CCDC62: variants seen among roughly 807,000 people sequenced by gnomAD.
CCDC62 encodes the protein coiled-coil domain-containing protein 62.
Under a neutral mutation model 80.8 loss-of-function variants are expected in CCDC62, and 72 were observed. The observed-to-expected ratio is 0.89, with a 90% CI of 0.74 to 1.08. CCDC62 has a LOEUF of 1.08. Ranked by LOEUF, CCDC62 falls within the 50% of genes least tolerant of loss-of-function variation. CCDC62 has a pLI of 0.00. For synonymous variants in CCDC62, 286 were observed against 296.5 expected (o/e 0.96, Z 0.36); for missense variants, 704 against 809.4 (o/e 0.87, Z 1.58).
intron 9 of CCDC62, among the ~76,000 whole-genome samples, chr12:122,804,184 C>G (rs1375949418): frequency 2.6e-5 from 4 of 152,198 alleles, no homozygotes; most frequent in African/African-American, 9.7e-5. Flanking sequence ...GTTCTCACTT[C>G]ATTGTAGCTT....
At position 122,798,186 on chromosome 12, in the gene CCDC62, G is replaced by A; in HGVS notation, c.963G>A (p.Lys321=). The stretch of plus-strand genomic sequence containing the variant: ...ATGACTCAAAGATGGAGGAATCAAA[G>A]GCTCTGGACTCCAGGTAATCTTAGC... ...QMYDSKMEES[K]ALDSSRDMCL... is the part of the protein sequence containing the mutation. The change falls in exon 8 of 13, where the codon AAG becomes AAA. Residue 321 remains lysine, a synonymous_variant. Transcript: ENST00000253079. The A allele has an allele frequency of 6.6e-7, 1 of 1,509,192 alleles. No homozygotes were observed. Among genetic ancestry groups the A allele is most frequent in the Non-Finnish European group, 9.2e-7 (1 of 1,086,238 alleles). The allele number at this position is 1,509,192 out of a possible 1,614,324, so 93.5% of individuals were successfully genotyped here.
rs1205859048 is a variant in CCDC62, at chr12:122,801,140, T to C, written c.994T>C (p.Ser332Pro). The C allele has an allele frequency of 6.2e-7, 1 of 1,611,970 alleles. No homozygotes were observed. The highest frequency in any genetic ancestry group is 8.5e-7 in the Non-Finnish European group (1 of 1,179,462). ...ALDSSRDMCL[S>P]DLENNHPKVD... ...CCACCATAGCAGAGACATGTGTTTA[T>C]CAGACCTTGAAAATAACCACCCAAA... The change falls in exon 9 of 13, where the codon TCA (serine) becomes CCA (proline). Residue 332 changes from serine to proline, a missense_variant. By Grantham distance (74) the Ser-to-Pro change is moderately conservative (BLOSUM62 -1). Coordinates refer to ENST00000253079, the MANE Select transcript of CCDC62 (RefSeq NM_201435.5).
intron 11 of CCDC62, among the ~76,000 whole-genome samples, chr12:122,822,253 G>A (rs992213151): frequency 6.6e-6 from 1 of 151,742 alleles, no homozygotes; most frequent in Admixed American, 6.6e-5. Flanking sequence ...CTACAGGCGC[G>A]TGCCACCACG....
chr12:122,781,600 G>T (rs1345660906), intron 3 of CCDC62, among the ~76,000 whole-genome samples: 1 of 151,518 alleles, frequency 6.6e-6, no homozygotes, highest in Non-Finnish European at 1.5e-5. Flanking sequence ...CAGGAGAATC[G>T]TTTGAACCCG....
chr12:122,796,874 C>CTTTTTTT (rs751983214), intron 6 of CCDC62, among the ~76,000 whole-genome samples: 3 of 145,542 alleles, frequency 2.1e-5, no homozygotes, highest in African/African-American at 5.1e-5. Context: ...CAAATCACTT[C>CTTTTTTT]TTCTTTTTTT....
At chr12:122,791,920 C>T (rs901586704) in intron 5 of CCDC62, 100 bp from the exon 6 acceptor site, 9 of 784,734 alleles carry the variant, frequency 1.1e-5, no homozygotes, top group African/African-American at 8.6e-5. Flanking sequence ...CCATCAGGAC[C>T]GGAAGGAGCC....
At chr12:122,803,116 G>A (rs1403111050) in intron 9 of CCDC62, among the ~76,000 whole-genome samples, 4 of 152,122 alleles carry the variant, frequency 2.6e-5, no homozygotes, top group African/African-American at 9.7e-5. Context: ...CTGGGCTTAA[G>A]CAATCTTTTC....
At chr12:122,821,973 AATCCT>A (rs1054151371) in intron 11 of CCDC62, among the ~76,000 whole-genome samples, 9 of 150,778 alleles carry the variant, frequency 6.0e-5, no homozygotes, top group African/African-American at 2.2e-4. Flanking sequence ...TCACACCTGT[AATCCT>A]AGCCCTTTGG....
intron 1 of CCDC62, chr12:122,777,156 G>A (rs940705420): frequency 4.5e-6 from 1 of 222,232 alleles, no homozygotes; most frequent in South Asian, 6.1e-5. Flanking sequence ...AGGGGATAAT[G>A]TTATTGACTG....
At chr12:122,809,750 G>A (rs1446551292) in intron 10 of CCDC62, among the ~76,000 whole-genome samples, 3 of 151,960 alleles carry the variant, frequency 2.0e-5, no homozygotes, top group Non-Finnish European at 4.4e-5. Context: ...GAGGCATCAC[G>A]CTACCTGACT....
At chr12:122,816,649 C>G (rs944672106) in intron 11 of CCDC62, among the ~76,000 whole-genome samples, 2 of 152,166 alleles carry the variant, frequency 1.3e-5, no homozygotes, top group South Asian at 2.1e-4. Flanking sequence ...AGGAGGATCA[C>G]TTGATCCTGG....
intron 10 of CCDC62, among the ~76,000 whole-genome samples, chr12:122,811,022 G>A (rs2135576047): frequency 6.9e-6 from 1 of 145,132 alleles, no homozygotes; most frequent in Non-Finnish European, 1.5e-5. Flanking sequence ...GCCTGTTGTG[G>A]GGTGGGGGGA....
intron 1 of CCDC62, 166 bp from the exon 2 acceptor site, chr12:122,777,325 G>T: frequency 1.7e-6 from 1 of 591,090 alleles, no homozygotes; most frequent in South Asian, 2.2e-5. Context: ...ATTTTAACTT[G>T]AACATGTTTT....
At chr12:122,794,485 G>T (rs2030816473) in intron 6 of CCDC62, among the ~76,000 whole-genome samples, 2 of 152,210 alleles carry the variant, frequency 1.3e-5, no homozygotes, top group Non-Finnish European at 2.9e-5. Context: ...TTACAGGCAT[G>T]AGCCACCATG....
chr12:122,803,081 T>C (rs2031399195), intron 9 of CCDC62, among the ~76,000 whole-genome samples: 1 of 152,098 alleles, frequency 6.6e-6, no homozygotes, highest in Non-Finnish European at 1.5e-5. Context: ...GGTGACACGA[T>C]ATTGCCCAGG....
At chr12:122,778,887 A>C (rs1355569833) in intron 2 of CCDC62, among the ~76,000 whole-genome samples, 1 of 148,094 alleles carries the variant, frequency 6.8e-6, no homozygotes, top group East Asian at 2.1e-4. Context: ...AAAACAAAGA[A>C]AGAAACAAAC....
chr12:122,784,704 G>A (rs1247611840), intron 3 of CCDC62, among the ~76,000 whole-genome samples: 1 of 152,028 alleles, frequency 6.6e-6, no homozygotes, highest in Non-Finnish European at 1.5e-5. Context: ...GCATAATGGT[G>A]AGAACCTGTA....
rs568568421 is a variant in CCDC62, at chr12:122,812,311, G to A, written c.1852-959G>A. Among the ~76,000 whole-genome samples, 14 of 151,626 alleles carry A rather than the reference G, an allele frequency of 9.2e-5. No individual in the cohort carries two copies. In the East Asian group the frequency reaches 9.8e-4, roughly 11 times the overall value. On this transcript the variant is annotated intron_variant, in intron 10 of 12. Coordinates refer to ENST00000253079, the MANE Select transcript of CCDC62 (RefSeq NM_201435.5). ...TACAAAATTAGCCAGGTGTGGTGGC[G>A]GGCAACTGTAGCCGCATCTACTCGG... is the stretch of plus-strand genomic sequence containing the variant.
chr12:122,801,239 C>A lies in CCDC62; in HGVS notation c.1093C>A (p.Gln365Lys). The change falls in exon 9 of 13, where the codon CAA (glutamine) becomes AAA (lysine). Residue 365 changes from glutamine (Q) to lysine (K), a missense_variant. Transcript: ENST00000253079. ...GAAATTTGAAGCCATGTTGGTTCAG[C>A]AAAATAGGTCAGACAAGAGCTCTTG... is the stretch of plus-strand genomic sequence containing the variant. ...DQKFEAMLVQ[Q>K]NRSDKSSCDE... The A allele has an allele frequency of 6.2e-7, 1 of 1,614,048 alleles. No homozygotes were observed. The highest frequency in any genetic ancestry group is 8.5e-7 in the Non-Finnish European group (1 of 1,180,008).
Sources: gnomAD v4.1 joint callset for allele counts (sites outside exome capture counted in the v4.1 genomes callset) on GRCh38, gnomAD v4.1.1 for gene constraint, MANE v1.5 for transcripts, NCBI Gene and HGNC (gene_info 2026-07-23, HGNC 2026-07-21) for gene names.